Variants in ABCC4 observed in about 807,000 individuals in gnomAD.
ABCC4 encodes the protein ATP binding cassette subfamily C member 4 (PEL blood group).
In ABCC4, 102 loss-of-function variants were observed where a neutral mutation model predicts 168.5. The observed-to-expected ratio is 0.61, with a 90% confidence interval of 0.52 to 0.71. The LOEUF (loss-of-function observed/expected upper bound fraction) is 0.71. Among genes scored for constraint, ABCC4 ranks in the 30% least tolerant of loss-of-function variants. The pLI is 0.00. For synonymous variants in ABCC4, 617 were observed against 590.7 expected (o/e 1.04, Z -0.65); for missense variants, 1,402 against 1,605.8 (o/e 0.87, Z 2.17).
At chr13:95,035,382 A>C (rs947330362) in intron 29 of ABCC4, among the ~76,000 whole-genome samples, 1 of 152,228 alleles carries the variant, frequency 6.6e-6, no homozygotes, top group African/African-American at 2.4e-5. Flanking sequence ...GGCTAGCCGA[A>C]AAAGCTGTTA....
chr13:95,261,202 C>T (rs967870281), intron 1 of ABCC4, among the ~76,000 whole-genome samples: 11 of 152,022 alleles, frequency 7.2e-5, no homozygotes, highest in African/African-American at 1.7e-4. Context: ...AATCCCAGCA[C>T]TTTGGGAGGC....
chr13:95,165,538 G>A (rs897502245), intron 15 of ABCC4, among the ~76,000 whole-genome samples: 1 of 152,194 alleles, frequency 6.6e-6, no homozygotes, highest in Non-Finnish European at 1.5e-5. Flanking sequence ...GTATTGAGCA[G>A]CTCTATGCTG....
chr13:95,105,952 T>C (rs1314033024), intron 20 of ABCC4, among the ~76,000 whole-genome samples: 2 of 152,190 alleles, frequency 1.3e-5, no homozygotes, highest in East Asian at 1.9e-4. Flanking sequence ...CCACCACGTG[T>C]GCACAGGGTA....
intron 19 of ABCC4, among the ~76,000 whole-genome samples, chr13:95,133,740 G>A (rs1054876198): frequency 6.6e-6 from 1 of 152,206 alleles, no homozygotes; most frequent in Non-Finnish European, 1.5e-5. Context: ...GGCAAAGGAA[G>A]AGCCTGCCTG....
intron 19 of ABCC4, among the ~76,000 whole-genome samples, chr13:95,132,742 G>A (rs1189238524): frequency 6.6e-6 from 1 of 152,140 alleles, no homozygotes. Context: ...GCTTTAAGAT[G>A]GAAGGAGATT....
Position 95,034,721 on chromosome 13 carries a change from G to T in ABCC4, c.3754C>A (p.Leu1252Met), listed in dbSNP as rs374563885. 24 of 1,614,028 alleles carry T rather than the reference G, an allele frequency of 1.5e-5. No homozygotes were observed. Among genetic ancestry groups the T allele is most frequent in the Non-Finnish European group, 1.9e-5 (23 of 1,180,010 alleles). The change falls in exon 30 of 31, where the codon CTG (leucine) becomes ATG (methionine). Residue 1252 changes from leucine (L) to methionine (M), a missense_variant. Physicochemically the swap from Leu to Met is conservative, Grantham distance 15. This residue lies in a region of ABCC4 where 1,007 missense variants were observed against 1,127.3 expected (regional missense o/e 0.89). Coordinates refer to ENST00000645237, the MANE Select transcript of ABCC4 (RefSeq NM_005845.5). ...DKIMVLDSGR[L>M]KEYDEPYVLL... Reference sequence around the variant, plus strand: ...ACATACGGCTCATCATATTCTTTCAGTCTTCCTGAATCTAAAACCTGTTAA... The same window carrying T: ...ACATACGGCTCATCATATTCTTTCATTCTTCCTGAATCTAAAACCTGTTAA...
chr13:95,123,140 G>A (rs1316355833), intron 19 of ABCC4, among the ~76,000 whole-genome samples: 3 of 152,090 alleles, frequency 2.0e-5, no homozygotes, highest in African/African-American at 7.2e-5. Context: ...AACCCAAATG[G>A]CTTCAAGGCA....
At chr13:95,259,455 A>T (rs952487537) in intron 1 of ABCC4, among the ~76,000 whole-genome samples, 3 of 151,950 alleles carry the variant, frequency 2.0e-5, no homozygotes, top group Admixed American at 2.0e-4. Context: ...CACTACTGGC[A>T]TTTGGAGCTG....
intron 1 of ABCC4, among the ~76,000 whole-genome samples, chr13:95,256,951 G>A (rs116207171): frequency 0.017 from 2,647 of 152,162 alleles, 75 homozygotes; most frequent in African/African-American, 0.06. Context: ...AGCATCTGAA[G>A]CTACTCATTT....
intron 26 of ABCC4, chr13:95,054,020 CCTTTTTTTTTTTTTTTTTTTTTTTTTT>C (rs1188580439): frequency 1.4e-5 from 1 of 73,186 alleles, no homozygotes; most frequent in Non-Finnish European, 2.4e-5. Context: ...AATGGGACAT[CCTTTTTTTTTTTTTTTTTTTTTTTTTT>C]TTTTTTTTTT....
intron 13 of ABCC4, among the ~76,000 whole-genome samples, chr13:95,171,777 G>A (rs1031477409): frequency 7.2e-5 from 11 of 152,210 alleles, no homozygotes; most frequent in Admixed American, 5.9e-4. Flanking sequence ...CTGCAGATAT[G>A]TAAACTATCA....
intron 19 of ABCC4, among the ~76,000 whole-genome samples, chr13:95,116,265 G>A (rs994899485): frequency 2.0e-5 from 3 of 152,120 alleles, no homozygotes; most frequent in Non-Finnish European, 4.4e-5. Context: ...TCTTGTGACA[G>A]TATCAGGAAG....
At chr13:95,195,173 T>G (rs756400627) in intron 8 of ABCC4, among the ~76,000 whole-genome samples, 4 of 152,194 alleles carry the variant, frequency 2.6e-5, no homozygotes, top group Non-Finnish European at 4.4e-5. Flanking sequence ...TCTGTGTAAT[T>G]TTTTTCAACA....
At chr13:95,063,335 G>A (rs1302921390) in intron 25 of ABCC4, among the ~76,000 whole-genome samples, 1 of 152,084 alleles carries the variant, frequency 6.6e-6, no homozygotes, top group Non-Finnish European at 1.5e-5. Context: ...AATTTCACAG[G>A]GATATTAATT....
At chr13:95,232,655 C>A (rs538154614) in intron 4 of ABCC4, among the ~76,000 whole-genome samples, 1 of 147,652 alleles carries the variant, frequency 6.8e-6, no homozygotes, top group African/African-American at 2.5e-5. Context: ...CCAGCCTGGG[C>A]GACAGAGCAA....
At chr13:95,247,796 C>T (rs770021608) in intron 1 of ABCC4, 43 bp from the exon 2 acceptor site, 3 of 1,526,290 alleles carry the variant, frequency 2.0e-6, no homozygotes, top group African/African-American at 2.7e-5. Flanking sequence ...AATTACACAT[C>T]CGTGTTTAAG....
At chr13:95,219,296 G>A (rs2039245275) in intron 4 of ABCC4, among the ~76,000 whole-genome samples, 1 of 152,120 alleles carries the variant, frequency 6.6e-6, no homozygotes, top group Non-Finnish European at 1.5e-5. Context: ...ACTGAGAGGG[G>A]AACAGAGATG....
At chr13:95,229,135 G>T (rs1463546550) in intron 4 of ABCC4, among the ~76,000 whole-genome samples, 1 of 152,118 alleles carries the variant, frequency 6.6e-6, no homozygotes, top group Non-Finnish European at 1.5e-5. Flanking sequence ...TCACATAAAT[G>T]GTTAAACAAT....
chr13:95,284,246 G>A (rs1007972035), intron 1 of ABCC4, among the ~76,000 whole-genome samples: 1 of 152,098 alleles, frequency 6.6e-6, no homozygotes, highest in Non-Finnish European at 1.5e-5. Flanking sequence ...GAGTGCAGGG[G>A]TGCGATCATG....
Sources: gnomAD v4.1 joint callset for allele counts (sites outside exome capture counted in the v4.1 genomes callset) on GRCh38, gnomAD v4.1.1 for gene constraint, gnomAD v4.1.1 regional missense constraint, MANE v1.5 for transcripts, NCBI Gene and HGNC (gene_info 2026-07-23, HGNC 2026-07-21) for gene names.